The following ZMYM2 variants were observed in gnomAD, a reference collection of about 807,000 sequenced individuals.
ZMYM2 encodes the protein zinc finger MYM-type protein 2.
ZMYM2 carries 56 observed loss-of-function variants against 162.8 expected under a neutral mutation model. The ratio of observed to expected loss-of-function variants is 0.34; its 90% CI spans 0.28 to 0.43. ZMYM2 has a LOEUF of 0.43. Among genes scored for constraint, ZMYM2 ranks in the 20% least tolerant of loss-of-function variants. The probability of loss-of-function intolerance (pLI) is 1.00; values close to 1 mark genes in which losing one functional copy is unlikely to be tolerated. For missense variants in ZMYM2, 1,275 were observed against 1,621.8 expected (o/e 0.79, Z 3.67); for synonymous variants, 510 against 541.6 (o/e 0.94, Z 0.81).
chr13:19,905,794 A>G, the ZMYM2 span, among the ~76,000 whole-genome samples: 1 of 152,078 alleles, frequency 6.6e-6, no homozygotes, highest in Non-Finnish European at 1.5e-5. Context: ...GTAACAAACT[A>G]TCTTTTTTAT....
At chr13:19,874,892 C>T in the ZMYM2 span, among the ~76,000 whole-genome samples, 1 of 151,992 alleles carries the variant, frequency 6.6e-6, no homozygotes, top group African/African-American at 2.4e-5. Context: ...GTCAGAATGG[C>T]TATTATTAAA....
chr13:20,016,933 T>A (rs1022834910), intron 6 of ZMYM2, among the ~76,000 whole-genome samples: 1 of 152,132 alleles, frequency 6.6e-6, no homozygotes, highest in Admixed American at 6.6e-5. Context: ...TGCCCCTTTC[T>A]CTTCTTCTGA....
chr13:19,925,176 G>A, the ZMYM2 span, among the ~76,000 whole-genome samples: 1 of 152,178 alleles, frequency 6.6e-6, no homozygotes, highest in African/African-American at 2.4e-5. Context: ...GAGCCACCGT[G>A]CCCGGCAATT....
chr13:20,066,205 T>C (rs1956662144), intron 19 of ZMYM2, among the ~76,000 whole-genome samples: 1 of 152,246 alleles, frequency 6.6e-6, no homozygotes, highest in African/African-American at 2.4e-5. Context: ...ACTATATTTT[T>C]ATGACAGATT....
intron 7 of ZMYM2, chr13:20,025,375 G>T (rs1028344073): frequency 2.1e-5 from 4 of 186,662 alleles, no homozygotes; most frequent in Non-Finnish European, 4.5e-5. Flanking sequence ...TGCACTTGAA[G>T]GCTAGCCTTT....
chr13:19,867,376 T>TA, the ZMYM2 span, among the ~76,000 whole-genome samples: 81 of 152,050 alleles, frequency 5.3e-4, no homozygotes, highest in Admixed American at 1.2e-3. Context: ...AGTGTTGTCT[T>TA]ACAATATTCT....
chr13:19,986,395 TTTACTTTACCCAAAGACCTATAAA>T lies in ZMYM2; in HGVS notation c.-10-6662_-10-6639del, dbSNP rs1466180334. Among the ~76,000 whole-genome samples the T allele has an allele frequency of 5.9e-4, 90 of 151,882 alleles. 2 individuals carry two copies. Among genetic ancestry groups the T allele is most frequent in the Admixed American group, 5.9e-3 (90 of 15,242 alleles). ...ACAAAAAAAAAAAGAAGGGTGATTA[TTTACTTTACCCAAAGACCTATAAA>T]TTACTACTTCATATCCTAAGACATT... On this transcript the variant is annotated intron_variant, in intron 2 of 24. Transcript: ENST00000610343.
At chr13:19,908,857 G>A in the ZMYM2 span, among the ~76,000 whole-genome samples, 1 of 152,198 alleles carries the variant, frequency 6.6e-6, no homozygotes, top group Admixed American at 6.5e-5. Flanking sequence ...TACCCAGAGA[G>A]AATGTCAGTG....
At chr13:20,021,566 G>A (rs1952107256) in intron 7 of ZMYM2, among the ~76,000 whole-genome samples, 1 of 152,058 alleles carries the variant, frequency 6.6e-6, no homozygotes, top group Non-Finnish European at 1.5e-5. Context: ...AAAGACTTTG[G>A]TAGAGCAAAC....
chr13:19,951,780 G>A, the ZMYM2 span, among the ~76,000 whole-genome samples: 1 of 152,078 alleles, frequency 6.6e-6, no homozygotes, highest in East Asian at 1.9e-4. Context: ...CTTGCACACT[G>A]TTGCTAGGAA....
chr13:20,045,809 T>A (rs1954723619), intron 12 of ZMYM2, among the ~76,000 whole-genome samples: 1 of 152,176 alleles, frequency 6.6e-6, no homozygotes, highest in Non-Finnish European at 1.5e-5. Flanking sequence ...TCTGCCTAAT[T>A]GTAAAATTAT....
intron 21 of ZMYM2, among the ~76,000 whole-genome samples, chr13:20,079,233 C>T (rs1957735560): frequency 7.1e-6 from 1 of 140,350 alleles, no homozygotes; most frequent in African/African-American, 2.6e-5. Flanking sequence ...GCAGGAGAAT[C>T]GCTTGAACCC....
At chr13:19,975,342 C>T (rs1956689522) in intron 2 of ZMYM2, among the ~76,000 whole-genome samples, 1 of 152,124 alleles carries the variant, frequency 6.6e-6, no homozygotes, top group Non-Finnish European at 1.5e-5. Context: ...ATTAGCATTC[C>T]TTGTCTCCCC....
chr13:20,030,896 A>G (rs1053476320), intron 9 of ZMYM2, among the ~76,000 whole-genome samples: 1 of 152,232 alleles, frequency 6.6e-6, no homozygotes, highest in African/African-American at 2.4e-5. Flanking sequence ...CAGTGGCACA[A>G]AACATTAGTA....
chr13:20,011,582 T>TA (rs1243466225), intron 6 of ZMYM2, among the ~76,000 whole-genome samples: 1 of 150,702 alleles, frequency 6.6e-6, no homozygotes, highest in Non-Finnish European at 1.5e-5. Flanking sequence ...TGTTTTATTT[T>TA]TTTTTTTTTT....
chr13:19,965,768 A>ATTT (rs1364483520), intron 2 of ZMYM2, among the ~76,000 whole-genome samples: 1 of 124,792 alleles, frequency 8.0e-6, no homozygotes, highest in Non-Finnish European at 1.7e-5. Flanking sequence ...TGGTATCTGA[A>ATTT]TTCTTTTTTT....
At chr13:20,080,461 T>TA (rs1238076506) in intron 21 of ZMYM2, among the ~76,000 whole-genome samples, 3 of 152,078 alleles carry the variant, frequency 2.0e-5, no homozygotes, top group East Asian at 1.9e-4. Flanking sequence ...ACCTTGCCTT[T>TA]AAAAAAATTG....
At chr13:19,992,849 A>G (rs1346103435) in intron 2 of ZMYM2, among the ~76,000 whole-genome samples, 1 of 152,088 alleles carries the variant, frequency 6.6e-6, no homozygotes, top group African/African-American at 2.4e-5. Context: ...TAAAAATTGG[A>G]TAATTGCCTT....
At chr13:20,048,648 A>G (rs1566393206) in intron 12 of ZMYM2, among the ~76,000 whole-genome samples, 1 of 152,042 alleles carries the variant, frequency 6.6e-6, no homozygotes, top group African/African-American at 2.4e-5. Context: ...AGTTGAAACT[A>G]TCCAAGACAT....
Sources: gnomAD v4.1 joint callset for allele counts (sites outside exome capture counted in the v4.1 genomes callset) on GRCh38, gnomAD v4.1.1 for gene constraint, MANE v1.5 for transcripts, NCBI Gene and HGNC (gene_info 2026-07-23, HGNC 2026-07-21) for gene names.